KIAA1217: variants seen among roughly 807,000 people sequenced by gnomAD.
KIAA1217 encodes KIAA1217.
Under a neutral mutation model 163.9 loss-of-function variants are expected in KIAA1217, and 88 were observed. The ratio of observed to expected loss-of-function variants is 0.54; its 90% CI spans 0.45 to 0.64. The LOEUF (loss-of-function observed/expected upper bound fraction) is 0.64, where lower values mean the gene tolerates loss of function less well. Among genes scored for constraint, KIAA1217 ranks in the 30% least tolerant of loss-of-function variants. The pLI is 0.00. For missense variants in KIAA1217, 2,372 were observed against 2,475.0 expected (o/e 0.96, Z 0.88); for synonymous variants, 903 against 923.1 (o/e 0.98, Z 0.39).
intron 1 of KIAA1217, among the ~76,000 whole-genome samples, chr10:23,713,494 G>A (rs1837389148): frequency 6.6e-6 from 1 of 152,060 alleles, no homozygotes. Flanking sequence ...TCCTTTTGGT[G>A]TTTAACAGCT....
chr10:24,018,894 C>A (rs576689839), intron 2 of KIAA1217, among the ~76,000 whole-genome samples: 12 of 152,158 alleles, frequency 7.9e-5, no homozygotes, highest in African/African-American at 2.2e-4. Context: ...AAAATCTTGT[C>A]ATTTGCTACA....
chr10:24,177,348 C>A (rs989440031), intron 2 of KIAA1217, among the ~76,000 whole-genome samples: 1 of 108,100 alleles, frequency 9.3e-6, no homozygotes, highest in African/African-American at 3.9e-5. Context: ...TCTTATATAT[C>A]TTTATCATAT....
intron 6 of KIAA1217, among the ~76,000 whole-genome samples, chr10:24,489,131 C>G (rs1437895928): frequency 1.3e-5 from 2 of 152,036 alleles, no homozygotes; most frequent in Non-Finnish European, 2.9e-5. Flanking sequence ...TAGGGACTCT[C>G]AGAAGGCCAG....
chr10:23,933,425 G>A (rs1406299471), intron 1 of KIAA1217, among the ~76,000 whole-genome samples: 2 of 152,146 alleles, frequency 1.3e-5, no homozygotes, highest in African/African-American at 4.8e-5. Context: ...ACCTCTCCAA[G>A]CCTTTATTTC....
chr10:24,087,694 T>G (rs990381438), intron 2 of KIAA1217, among the ~76,000 whole-genome samples: 4 of 152,232 alleles, frequency 2.6e-5, no homozygotes, highest in African/African-American at 9.6e-5. Context: ...GCAAAGGCCA[T>G]TTGTACAGTC....
chr10:24,023,789 AAAACAC>A (rs1236894883), intron 2 of KIAA1217, among the ~76,000 whole-genome samples: 1 of 151,846 alleles, frequency 6.6e-6, no homozygotes, highest in Non-Finnish European at 1.5e-5. Context: ...TAGCAATGAA[AAAACAC>A]AAATACGTAT....
intron 1 of KIAA1217, among the ~76,000 whole-genome samples, chr10:23,979,131 T>C (rs1383561232): frequency 6.6e-6 from 1 of 152,176 alleles, no homozygotes; most frequent in African/African-American, 2.4e-5. Flanking sequence ...AGGTCTTGAT[T>C]AAATTGCTAT....
chr10:23,853,705 C>G (rs1407972901), intron 1 of KIAA1217, among the ~76,000 whole-genome samples: 1 of 152,122 alleles, frequency 6.6e-6, no homozygotes, highest in African/African-American at 2.4e-5. Context: ...TGTTATTGGT[C>G]TATTCAGAGA....
intron 1 of KIAA1217, among the ~76,000 whole-genome samples, chr10:24,217,648 A>G (rs1367884622): frequency 1.3e-5 from 2 of 151,718 alleles, no homozygotes; most frequent in African/African-American, 4.8e-5. Context: ...TGGTGGTCAC[A>G]TTGCTTTCAG....
chr10:23,777,669 T>A lies in KIAA1217; in HGVS notation c.-321+82435T>A, dbSNP rs536950522. Among the ~76,000 whole-genome samples, 12 of 152,096 alleles carry A rather than the reference T, an allele frequency of 7.9e-5. No homozygotes were observed. The South Asian group carries it at 1.5e-3, about 18-fold the overall frequency. Reference sequence around the variant, plus strand: ...TTGAATTACTTATTTTCATATTACATTTAGAAAAAGCCAATCTGTCATTAA... The same window carrying A: ...TTGAATTACTTATTTTCATATTACAATTAGAAAAAGCCAATCTGTCATTAA... On this transcript the variant is annotated intron_variant, in intron 1 of 18. Coordinates refer to the KIAA1217 transcript ENST00000376462.
chr10:24,333,469 C>A lies in KIAA1217; in HGVS notation c.355-47400C>A, dbSNP rs147880769. 7.0e-3 allele frequency among the ~76,000 whole-genome samples: 1,061 copies of A among 152,210 alleles called. 10 individuals are homozygous for A. Among genetic ancestry groups the A allele is most frequent in the African/African-American group, 0.025 (1,018 of 41,524 alleles). On this transcript the variant is annotated intron_variant, in intron 2 of 20. Coordinates refer to ENST00000376454, the MANE Select transcript of KIAA1217 (RefSeq NM_019590.5). ...ATTTGGGATTCAGGGGGTATGTGTG[C>A]AGGTTTGTTGCCTGGGCATATTTCA...
At chr10:24,095,152 C>T (rs1297113425) in intron 2 of KIAA1217, among the ~76,000 whole-genome samples, 2 of 152,172 alleles carry the variant, frequency 1.3e-5, no homozygotes, top group African/African-American at 4.8e-5. Flanking sequence ...CTTTCCTTGA[C>T]CAGGAAAGGG....
At chr10:24,436,363 T>G (rs1008912942) in intron 4 of KIAA1217, among the ~76,000 whole-genome samples, 23 of 152,210 alleles carry the variant, frequency 1.5e-4, no homozygotes, top group Non-Finnish European at 1.5e-4. Flanking sequence ...TGCATGTCGC[T>G]TCCAAAGAAT....
chr10:24,144,404 G>A (rs1005923067), intron 2 of KIAA1217, among the ~76,000 whole-genome samples: 1 of 152,176 alleles, frequency 6.6e-6, no homozygotes, highest in African/African-American at 2.4e-5. Context: ...GGAAAGAAGG[G>A]ATACATGTTT....
intron 1 of KIAA1217, among the ~76,000 whole-genome samples, chr10:23,956,092 G>C (rs1190031106): frequency 6.6e-6 from 1 of 152,226 alleles, no homozygotes. Context: ...CACAGGCTCA[G>C]TGAAGACAAA....
chr10:24,261,648 CAGT>C (rs1293420761), intron 2 of KIAA1217, among the ~76,000 whole-genome samples: 5 of 152,204 alleles, frequency 3.3e-5, no homozygotes, highest in Admixed American at 3.3e-4. Flanking sequence ...ATGGTTTAGA[CAGT>C]GGAACCCTCC....
At chr10:23,919,815 C>G (rs931431497) in intron 1 of KIAA1217, among the ~76,000 whole-genome samples, 1 of 152,086 alleles carries the variant, frequency 6.6e-6, no homozygotes, top group African/African-American at 2.4e-5. Context: ...TCTAGAGGAG[C>G]CTCTTCAACT....
intron 2 of KIAA1217, among the ~76,000 whole-genome samples, chr10:24,046,629 C>A (rs541984757): frequency 2.0e-5 from 3 of 152,154 alleles, no homozygotes; most frequent in African/African-American, 7.2e-5. Flanking sequence ...AATTCACTCA[C>A]TATCACAAGA....
chr10:24,207,297 C>A (rs1159821232), upstream of KIAA1217, among the ~76,000 whole-genome samples: 2 of 151,780 alleles, frequency 1.3e-5, no homozygotes, highest in East Asian at 3.9e-4. Flanking sequence ...CACACACACA[C>A]ACACACACAC....
Sources: gnomAD v4.1 joint callset for allele counts (sites outside exome capture counted in the v4.1 genomes callset) on GRCh38, gnomAD v4.1.1 for gene constraint, MANE v1.5 for transcripts, NCBI Gene and HGNC (gene_info 2026-07-23, HGNC 2026-07-21) for gene names.